The following SLFN13 variants were observed in gnomAD, a reference collection of about 807,000 sequenced individuals.
The protein encoded by SLFN13 is schlafen-13.
Under a neutral mutation model 50.6 loss-of-function variants are expected in SLFN13, and 43 were observed. The observed-to-expected ratio is 0.85, with a 90% CI of 0.67 to 1.09. The LOEUF (loss-of-function observed/expected upper bound fraction) is 1.09, where lower values mean the gene tolerates loss of function less well. Among genes scored for constraint, SLFN13 ranks in the 50% least tolerant of loss-of-function variants. The probability of loss-of-function intolerance (pLI) is 0.00; values close to 1 mark genes in which losing one functional copy is unlikely to be tolerated. For synonymous variants in SLFN13, 339 were observed against 386.5 expected (o/e 0.88, Z 1.44); for missense variants, 881 against 1,071.1 (o/e 0.82, Z 2.48).
rs1456236682 is a variant in SLFN13, at chr17:35,445,700, G to A, written c.-13-7C>T. ...CTCCATGTTGAACTTGCACCTTAAA[G>A]TATTAGAATATTTGTTTCATTTTTG... On this transcript the variant is annotated splice_polypyrimidine_tract_variant and splice_region_variant and intron_variant, in intron 2 of 5. Coordinates refer to ENST00000285013, the MANE Select transcript of SLFN13 (RefSeq NM_144682.6). 1 of 1,539,528 alleles carries A rather than the reference G, an allele frequency of 6.5e-7. No homozygotes were observed. Among genetic ancestry groups the A allele is most frequent in the East Asian group, 2.3e-5 (1 of 44,160 alleles).
chr17:35,445,148 G>C lies in SLFN13; in HGVS notation c.533C>G (p.Ala178Gly). ...EGSPPSKIMK[A>G]VYQNISESNP... ...TGACTCAGATATGTTCTGGTATACA[G>C]CTTTCATAATTTTACTAGGTGGAGA... The change falls in exon 3 of 6, where the codon GCT (alanine) becomes GGT (glycine). Residue 178 changes from alanine (A) to glycine (G), a missense_variant. Physicochemically the swap from Ala to Gly is moderately conservative, Grantham distance 60. Coordinates refer to ENST00000285013, the MANE Select transcript of SLFN13 (RefSeq NM_144682.6). 6.2e-7 allele frequency: 1 copy of C among 1,613,056 alleles called. No homozygotes were observed. Among genetic ancestry groups the C allele is most frequent in the Non-Finnish European group, 8.5e-7 (1 of 1,180,004 alleles).
Position 35,448,042 on chromosome 17 carries a change from A to ATATTATTATTATTATTATTAT in SLFN13, c.-160-649_-160-629dup, listed in dbSNP as rs11275064. On this transcript the variant is annotated intron_variant, in intron 1 of 5. Coordinates refer to ENST00000285013, the MANE Select transcript of SLFN13 (RefSeq NM_144682.6). ...CGGTTAATTTATTAATATTAGTATT[A>ATATTATTATTATTATTATTAT]TATTATTATTATTATTATTATTCAT... Among the ~76,000 whole-genome samples the ATATTATTATTATTATTATTAT allele has an allele frequency of 8.9e-3, 1,304 of 146,770 alleles. 11 individuals carry two copies. Among genetic ancestry groups the ATATTATTATTATTATTATTAT allele is most frequent in the Admixed American group, 9.7e-3 (143 of 14,702 alleles).
chr17:35,443,735 G>C, intron 4 of SLFN13, 54 bp downstream of exon 4: 4 of 1,563,370 alleles, frequency 2.6e-6, no homozygotes, highest in Non-Finnish European at 3.5e-6. Flanking sequence ...TGTTTTCCAC[G>C]AAATGTATTA....
In SLFN13 at chr17:35,440,898, C is replaced by G. The variant is rs756915251; in HGVS notation, c.2391G>C (p.Arg797Ser). ...QIVTYVADTC[R>S]CFFERGYSPK... ...GAGAATAGCCCCTTTCAAAGAAGCA[C>G]CTGCAGGTGTCTGCCACATAGGTCA... Residue 797 changes from arginine to serine, a missense_variant, in exon 6 of 6, where the codon AGG becomes AGC. Arg to Ser is a moderately radical substitution (Grantham distance 110). This residue lies in a region of SLFN13 where 322 missense variants were observed against 327.4 expected (regional missense o/e 0.98). Transcript: ENST00000285013. The G allele has an allele frequency of 7.4e-6, 12 of 1,613,996 alleles. 1 individual carries two copies. In the East Asian group the frequency reaches 2.2e-4, roughly 30 times the overall value.
At chr17:35,441,529 A>G in intron 5 of SLFN13, 34 bp downstream of exon 5, 8 of 1,611,502 alleles carry the variant, frequency 5.0e-6, no homozygotes, top group Non-Finnish European at 6.8e-6. Context: ...CCCAGATTAA[A>G]TAAAACTTAA....
At position 35,441,327 on chromosome 17, in the gene SLFN13, GAA is replaced by G. The variant is rs1387258877; in HGVS notation, c.1960_1961del (p.Phe654ProfsTer6). 1.2e-5 allele frequency: 19 copies of G among 1,611,690 alleles called. No individual in the cohort carries two copies. In the Admixed American group the frequency reaches 3.2e-4, roughly 27 times the overall value. On this transcript the variant is annotated frameshift_variant, in exon 6 of 6. Coordinates refer to ENST00000285013, the MANE Select transcript of SLFN13 (RefSeq NM_144682.6). LOFTEE classifies it low-confidence loss of function (END_TRUNC). ...NICRAETRET[F>X]LREKFEHIQH... ...GAATGTGTTCAAATTTTTCTCTTAG[GAA>G]AGTTTCCCGGGTCTCTGCTCGGCAG...
chr17:35,445,682 T>A lies in SLFN13; in HGVS notation c.-2A>T. The A allele has an allele frequency of 1.9e-6, 3 of 1,589,510 alleles. No individual in the cohort carries two copies. The highest frequency in any genetic ancestry group is 2.6e-6 in the Non-Finnish European group (3 of 1,167,224). On this transcript the variant is annotated 5_prime_UTR_variant, in exon 3 of 6. Transcript: ENST00000285013. ...CAGGGAGCAGTGATTTGCCTCCATG[T>A]TGAACTTGCACCTTAAAGTATTAGA... is the stretch of plus-strand genomic sequence containing the variant.
chr17:35,443,935 AT>A lies in SLFN13; in HGVS notation c.1067-16del. 6.2e-7 allele frequency: 1 copy of A among 1,611,348 alleles called. No homozygotes were observed. The highest frequency in any genetic ancestry group is 8.5e-7 in the Non-Finnish European group (1 of 1,178,478). ...TGGAGGAAACTCTGAAAGAAAGAAC[AT>A]TTTAATTTACACTATATGATTTCAT... is the stretch of plus-strand genomic sequence containing the variant. On this transcript the variant is annotated splice_polypyrimidine_tract_variant and intron_variant, in intron 3 of 5. Transcript: ENST00000285013.
At position 35,445,006 on chromosome 17, in the gene SLFN13, A is replaced by G; in HGVS notation, c.675T>C (p.Tyr225=). 1 of 1,614,102 alleles carries G rather than the reference A, an allele frequency of 6.2e-7. No homozygotes were observed. Among genetic ancestry groups the G allele is most frequent in the Non-Finnish European group, 8.5e-7 (1 of 1,180,010 alleles). Residue 225 remains tyrosine, a synonymous_variant, in exon 3 of 6, where the codon TAT becomes TAC. Transcript: ENST00000285013. The part of the protein sequence containing the change: ...KQFSTKHIQQ[Y]VENIIPEYIS... Reference sequence around the variant, plus strand: ...TGTACTCTGGAATTATATTTTCTACATATTGTTGGATATGTTTTGTAGAGA... The same window carrying G: ...TGTACTCTGGAATTATATTTTCTACGTATTGTTGGATATGTTTTGTAGAGA...
At chr17:35,446,553 G>A (rs1362766318) in intron 2 of SLFN13, among the ~76,000 whole-genome samples, 4 of 152,212 alleles carry the variant, frequency 2.6e-5, no homozygotes, top group Admixed American at 1.3e-4. Flanking sequence ...GCAGCCACCT[G>A]TGACTGTTAT....
In SLFN13 at chr17:35,445,067, GAT is replaced by G; in HGVS notation, c.612_613del (p.Ser205PhefsTer3). ...CTCTATGGATGGAGACTCAGGAAAA[GAT>G]AGGATTTCACCATATTCAATAGTGT... On this transcript the variant is annotated frameshift_variant, in exon 3 of 6. Coordinates refer to ENST00000285013, the MANE Select transcript of SLFN13 (RefSeq NM_144682.6). LOFTEE classifies it high-confidence loss of function. 1 of 1,614,030 alleles carries G rather than the reference GAT, an allele frequency of 6.2e-7. No homozygotes were observed. The highest frequency in any genetic ancestry group is 8.5e-7 in the Non-Finnish European group (1 of 1,180,018).
chr17:35,444,057 G>A, intron 3 of SLFN13, 137 bp from the exon 4 acceptor site: 1 of 751,864 alleles, frequency 1.3e-6, no homozygotes, highest in Admixed American at 3.2e-5. Context: ...ACCCTTTCTT[G>A]ACTCTATGTC....
upstream of SLFN13, among the ~76,000 whole-genome samples, chr17:35,449,431 C>G (rs797016105): frequency 3.5e-4 from 53 of 152,224 alleles, no homozygotes; most frequent in African/African-American, 1.0e-3. Context: ...CCGAGCTTTC[C>G]CCTTCCACCG....
rs546030479 is a variant in SLFN13 at position 35,437,563 on chromosome 17, G to C, written c.*3032C>G. The C allele has an allele frequency of 1.3e-5, 2 of 152,256 alleles. No homozygotes were observed. The highest frequency in any genetic ancestry group is 4.1e-4 in the South Asian group (2 of 4,828). The allele number at this position is 152,256 out of a possible 1,614,324, so 9.4% of individuals were successfully genotyped here. A position where few individuals can be genotyped will look rare whatever the true frequency, so the allele number is the denominator to read the frequency against. Reference sequence around the variant, plus strand: ...AAAGATGTGACCGCTTTCCATGCTTGAGATTCAGAGCAGAAGAAGTTTAGG... The same window carrying C: ...AAAGATGTGACCGCTTTCCATGCTTCAGATTCAGAGCAGAAGAAGTTTAGG... On this transcript the variant is annotated 3_prime_UTR_variant, in exon 6 of 6. Transcript: ENST00000285013.
rs1272300143 is a variant in SLFN13, at chr17:35,443,786, T to C, written c.1198+3A>G. ...TCCTGATGTAAAAACTGGCAGTCAG[T>C]ACCTGGAAATAAATGTTGTTGTAGA... is the stretch of plus-strand genomic sequence containing the variant. On this transcript the variant is annotated splice_donor_region_variant and intron_variant, in intron 4 of 5. Coordinates refer to ENST00000285013, the MANE Select transcript of SLFN13 (RefSeq NM_144682.6). 6.2e-7 allele frequency: 1 copy of C among 1,607,762 alleles called. No individual in the cohort carries two copies. Among genetic ancestry groups the C allele is most frequent in the East Asian group, 2.2e-5 (1 of 44,754 alleles).
In SLFN13 at chr17:35,437,377, A is replaced by AG. The variant is rs138734637; in HGVS notation, c.*3217dup. On this transcript the variant is annotated 3_prime_UTR_variant, in exon 6 of 6. Transcript: ENST00000285013. Reference sequence around the variant, plus strand: ...CAGATAATTTTTTGTTGTCTTCTCGAGGGGGGGGTCATGCTATGCTGCCCA... The same window carrying AG: ...CAGATAATTTTTTGTTGTCTTCTCGAGGGGGGGGGTCATGCTATGCTGCCCA... 34,770 of 151,122 alleles carry AG rather than the reference A, an allele frequency of 0.23. 4,295 individuals are homozygous for AG. Among genetic ancestry groups the AG allele is most frequent in the Non-Finnish European group, 0.28 (18,900 of 67,792 alleles). 9.4% of individuals were successfully genotyped at this position (151,122 alleles called of 1,614,324 possible). A position where few individuals can be genotyped will look rare whatever the true frequency, so the allele number is the denominator to read the frequency against.
chr17:35,441,412 A>T (rs762440296), intron 5 of SLFN13, 46 bp from the exon 6 acceptor site: 3 of 1,572,262 alleles, frequency 1.9e-6, no homozygotes, highest in Non-Finnish European at 2.6e-6. Flanking sequence ...TAAGAAAACA[A>T]GGGGAGAAAA....
Position 35,441,019 on chromosome 17 carries a change from G to A in SLFN13, c.2270C>T (p.Pro757Leu), listed in dbSNP as rs773745875. Reference sequence around the variant, plus strand: ...ACTGAGAATTGCCAGATACCCATGGGGGATATTAATTGGAGGATTTTCTAT... The same window carrying A: ...ACTGAGAATTGCCAGATACCCATGGAGGATATTAATTGGAGGATTTTCTAT... ...LIIENPPINIPHGYLAILSEA... is the reference protein window; with the variant it reads ...LIIENPPINILHGYLAILSEA... The change falls in exon 6 of 6, where the codon CCC becomes CTC. Residue 757 changes from proline (P) to leucine (L), a missense_variant. Physicochemically the swap from Pro to Leu is moderately conservative, Grantham distance 98. This residue lies in a region of SLFN13 where 322 missense variants were observed against 327.4 expected (regional missense o/e 0.98). Transcript: ENST00000285013. 3 of 1,612,928 alleles carry A rather than the reference G, an allele frequency of 1.9e-6. No homozygotes were observed. The highest frequency in any genetic ancestry group is 2.5e-6 in the Non-Finnish European group (3 of 1,180,004).
intron 4 of SLFN13, among the ~76,000 whole-genome samples, 175 bp downstream of exon 4, chr17:35,443,614 G>A (rs778987808): frequency 1.3e-4 from 20 of 152,160 alleles, no homozygotes; most frequent in Admixed American, 3.3e-4. Context: ...GCCAGATGTG[G>A]CAACCAATGG....
Sources: allele counts gnomAD v4.1 joint callset (sites outside exome capture counted in the v4.1 genomes callset), GRCh38; gene constraint gnomAD v4.1.1; regional missense constraint gnomAD v4.1.1; transcripts MANE v1.5; gene names NCBI Gene and HGNC (gene_info 2026-07-23, HGNC 2026-07-21).